The following ADGRG4 variants were observed in gnomAD, a reference collection of about 807,000 sequenced individuals.
ADGRG4 encodes the protein adhesion G protein-coupled receptor G4, also known as G protein-coupled receptor 112.
Under a neutral mutation model 126.2 loss-of-function variants are expected in ADGRG4, and 122 were observed. That is an observed-to-expected ratio of 0.97 (90% CI 0.83 to 1.12). The LOEUF is 1.12. ADGRG4 is among the 50% of genes most tolerant of loss of function. The pLI, the probability that ADGRG4 is intolerant of heterozygous loss-of-function variation, is 0.00. For synonymous variants in ADGRG4, 943 were observed against 838.7 expected, an observed-to-expected ratio of 1.12 and a Z score of -2.15; for missense variants, 2,481 against 2,251.8, an observed-to-expected ratio of 1.10 and a Z score of -2.06.
intron 4 of ADGRG4, among the ~76,000 whole-genome samples, chrX:136,312,833 T>A (rs1448353805): frequency 1.8e-5 from 2 of 111,172 alleles, no homozygotes; most frequent in African/African-American, 6.6e-5. Context: ...ACTCCAGGCC[T>A]TGACAATCAG....
At chrX:136,335,828 T>C (rs1308184690) in intron 5 of ADGRG4, among the ~76,000 whole-genome samples, 4 of 111,495 alleles carry the variant, frequency 3.6e-5, no homozygotes, top group African/African-American at 1.3e-4. Flanking sequence ...GCTCCATTGA[T>C]TTTTCTCTAT....
In ADGRG4 at chrX:136,406,168, T is replaced by A. The variant is rs755547090; in HGVS notation, c.8935+196T>A. Among the ~76,000 whole-genome samples, 3 of 112,411 alleles carry A rather than the reference T, an allele frequency of 2.7e-5. 1 individual carries two copies. In the Admixed American group the frequency reaches 2.8e-4, roughly 11 times the overall value. On this transcript the variant is annotated intron_variant, in intron 23 of 25. Transcript: ENST00000394143. ...TAACCCAACTTTAGGTAATTGGAAA[T>A]GTCTATATCAAACACTGATTGGCAA... is the stretch of plus-strand genomic sequence containing the variant.
At chrX:136,325,180 G>A (rs929420947) in intron 5 of ADGRG4, among the ~76,000 whole-genome samples, 1 of 111,546 alleles carries the variant, frequency 9.0e-6, no homozygotes, top group African/African-American at 3.3e-5. Flanking sequence ...CTGTTGTTAT[G>A]GGTTTTTTCC....
intron 23 of ADGRG4, among the ~76,000 whole-genome samples, chrX:136,410,576 CT>C (rs2075440516): frequency 8.9e-6 from 1 of 111,760 alleles, no homozygotes; most frequent in Non-Finnish European, 1.9e-5. Context: ...CAAGCTGAAC[CT>C]GTATAGAGAA....
At position 136,352,226 on chromosome X, in the gene ADGRG4, C is replaced by T. The variant is rs746114211; in HGVS notation, c.6822+685C>T. ...TTGCTCCCCCTCCTCTGCACTTAAC[C>T]ATGTATCTTTGCACATATTCATGCT... is the stretch of plus-strand genomic sequence containing the variant. On this transcript the variant is annotated intron_variant, in intron 7 of 25. Transcript: ENST00000394143. Among the ~76,000 whole-genome samples, 164 of 111,978 alleles carry T rather than the reference C, an allele frequency of 1.5e-3. 1 individual carries two copies. Among genetic ancestry groups the T allele is most frequent in the Non-Finnish European group, 2.7e-3 (142 of 53,157 alleles).
In ADGRG4 at chrX:136,390,451, C is replaced by T. The variant is rs1043488465; in HGVS notation, c.7912-1781C>T. ...CTCAGGGAGAGGGACAGGCACTAGGCGGTTACAATATGGCACAGGGGCTCT... is the reference window on the plus strand; with the variant it reads ...CTCAGGGAGAGGGACAGGCACTAGGTGGTTACAATATGGCACAGGGGCTCT... On this transcript the variant is annotated intron_variant, in intron 16 of 25. Transcript: ENST00000394143. Among the ~76,000 whole-genome samples, 8 of 111,276 alleles carry T rather than the reference C, an allele frequency of 7.2e-5. No individual in the cohort carries two copies. In the East Asian group the frequency reaches 8.5e-4, roughly 12 times the overall value.
At chrX:136,393,708 T>C (rs1359968772) in intron 18 of ADGRG4, 128 bp downstream of exon 18, 16 of 467,564 alleles carry the variant, frequency 3.4e-5, no homozygotes, top group Middle Eastern at 7.0e-4. Context: ...ATGACCAAGA[T>C]ACAGGATATG....
chrX:136,369,233 T>C (rs1468378448), intron 13 of ADGRG4, among the ~76,000 whole-genome samples: 1 of 112,611 alleles, frequency 8.9e-6, no homozygotes, highest in African/African-American at 3.2e-5. Context: ...TGATTTGTTA[T>C]GCAGCAATAG....
chrX:136,387,841 G>A lies in ADGRG4; in HGVS notation c.7878G>A (p.Leu2626=). 1 of 1,209,105 alleles carries A rather than the reference G, an allele frequency of 8.3e-7. No individual in the cohort carries two copies. Among genetic ancestry groups the A allele is most frequent in the East Asian group, 3.0e-5 (1 of 33,723 alleles). Reference sequence around the variant, plus strand: ...CTCTTAGCAACTTACAAACGATCTTGTTTAATTTCTTTGGCCAAACTTCAC... The same window carrying A: ...CTCTTAGCAACTTACAAACGATCTTATTTAATTTCTTTGGCCAAACTTCAC... ...RIPLSNLQTI[L]FNFFGQTSLF... Residue 2626 remains leucine, a synonymous_variant, in exon 16 of 26, where the codon TTG becomes TTA. Transcript: ENST00000394143.
chrX:136,304,314 A>G (rs1242245670), intron 2 of ADGRG4, 107 bp downstream of exon 2: 2 of 112,008 alleles, frequency 1.8e-5, no homozygotes, highest in East Asian at 2.8e-4. Flanking sequence ...TTAACAAAAC[A>G]TAGTGTTTTT....
chrX:136,355,925 T>G (rs1399470887), intron 8 of ADGRG4, among the ~76,000 whole-genome samples: 1 of 111,798 alleles, frequency 8.9e-6, no homozygotes, highest in Non-Finnish European at 1.9e-5. Flanking sequence ...GGTTAATAAA[T>G]CAAAGGCTTG....
At chrX:136,400,153 T>C in intron 21 of ADGRG4, 37 bp downstream of exon 21, 1 of 1,042,350 alleles carries the variant, frequency 9.6e-7, no homozygotes, top group Non-Finnish European at 1.3e-6. Flanking sequence ...TATTTATGTC[T>C]TAAGTCTGTC....
At chrX:136,301,345 G>A (rs1208647736) in intron 1 of ADGRG4, among the ~76,000 whole-genome samples, 1 of 112,389 alleles carries the variant, frequency 8.9e-6, no homozygotes, top group African/African-American at 3.2e-5. Context: ...CAGTGATGAT[G>A]AACATTTTTT....
At chrX:136,351,010 TGATAG>T (rs1288575614) in intron 6 of ADGRG4, among the ~76,000 whole-genome samples, 1 of 111,434 alleles carries the variant, frequency 9.0e-6, no homozygotes, top group Non-Finnish European at 1.9e-5. Flanking sequence ...AATAGAAATT[TGATAG>T]GATACACAAG....
rs2075025847 is a variant in ADGRG4 at position 136,347,416 on chromosome X, A to G, written c.3710A>G (p.Tyr1237Cys). The G allele has an allele frequency of 5.0e-6, 6 of 1,210,185 alleles. No individual in the cohort carries two copies. Among genetic ancestry groups the G allele is most frequent in the Non-Finnish European group, 6.7e-6 (6 of 894,321 alleles). The change falls in exon 6 of 26, where the codon TAT becomes TGT. Residue 1237 changes from tyrosine to cysteine, a missense_variant. By Grantham distance (194) the Tyr-to-Cys change is radical. Coordinates refer to ENST00000394143, the MANE Select transcript of ADGRG4 (RefSeq NM_153834.4). ...AGTCACATTTCTTCATCTGCCACAT[A>G]TCGTGTACACACACCAGTGTCCATC... ...VNSHISSSATYRVHTPVSIQL... is the reference protein window; with the variant it reads ...VNSHISSSATCRVHTPVSIQL...
chrX:136,415,435 A>T (rs951285956), intron 25 of ADGRG4, among the ~76,000 whole-genome samples: 1 of 111,240 alleles, frequency 9.0e-6, no homozygotes, highest in African/African-American at 3.3e-5. Context: ...ACTAGAATGG[A>T]TAATCTCTTA....
In ADGRG4 at chrX:136,385,355, T is replaced by C. The variant is rs777495292; in HGVS notation, c.7777-2385T>C. 9.9e-4 allele frequency among the ~76,000 whole-genome samples: 111 copies of C among 111,980 alleles called. 2 individuals are homozygous for C. The highest frequency in any genetic ancestry group is 8.5e-4 in the Admixed American group (9 of 10,558). On this transcript the variant is annotated intron_variant, in intron 15 of 25. Transcript: ENST00000394143. ...TGCTTCACTATAGTAACCTTTTTAC[T>C]CTCTATATGTATCCCGTAATATTAT...
At chrX:136,372,131 C>T (rs183623775) in intron 14 of ADGRG4, among the ~76,000 whole-genome samples, 45 of 111,081 alleles carry the variant, frequency 4.1e-4, no homozygotes, top group African/African-American at 1.4e-3. Flanking sequence ...CCAGTCTATT[C>T]CCCCAACTTT....
At chrX:136,363,901 C>T (rs1162976850) in intron 13 of ADGRG4, among the ~76,000 whole-genome samples, 1 of 110,913 alleles carries the variant, frequency 9.0e-6, no homozygotes, top group Non-Finnish European at 1.9e-5. Flanking sequence ...CCTCTGCCTC[C>T]TAGGTTCAAG....
Sources: gnomAD v4.1 joint callset for allele counts (sites outside exome capture counted in the v4.1 genomes callset) on GRCh38, gnomAD v4.1.1 for gene constraint, MANE v1.5 for transcripts, NCBI Gene and HGNC (gene_info 2026-07-23, HGNC 2026-07-21) for gene names.